The following FHOD3 variants were observed in gnomAD, a reference collection of about 807,000 sequenced individuals.
The protein encoded by FHOD3 is formin homology 2 domain containing 3, also known as FH1/FH2 domain-containing protein 3.
In FHOD3, 90 loss-of-function variants were observed where a neutral mutation model predicts 173.0. The ratio of observed to expected loss-of-function variants is 0.52; its 90% CI spans 0.44 to 0.62. FHOD3 has a LOEUF of 0.62. FHOD3 is among the 20% of genes least tolerant of loss of function. The pLI, the probability that FHOD3 is intolerant of heterozygous loss-of-function variation, is 0.00. For synonymous variants in FHOD3, 828 were observed against 823.0 expected (o/e 1.01, Z -0.10); for missense variants, 1,945 against 2,034.7 (o/e 0.96, Z 0.85).
intron 10 of FHOD3, among the ~76,000 whole-genome samples, chr18:36,640,257 T>C (rs1017372004): frequency 6.6e-6 from 1 of 152,230 alleles, no homozygotes; most frequent in African/African-American, 2.4e-5. Flanking sequence ...TAGATGTCTT[T>C]TCATTCTCTT....
intron 1 of FHOD3, among the ~76,000 whole-genome samples, chr18:36,310,613 G>T (rs1361828459): frequency 6.6e-6 from 1 of 151,688 alleles, no homozygotes; most frequent in Non-Finnish European, 1.5e-5. Context: ...CTTGAACCTG[G>T]GAGGTGGAGG....
At chr18:36,733,120 C>G (rs976292819) in intron 20 of FHOD3, among the ~76,000 whole-genome samples, 1 of 152,190 alleles carries the variant, frequency 6.6e-6, no homozygotes, top group African/African-American at 2.4e-5. Flanking sequence ...AGTAAACAAG[C>G]TGTTTAGATA....
At chr18:36,647,883 T>C (rs1368653653) in intron 10 of FHOD3, among the ~76,000 whole-genome samples, 2 of 151,950 alleles carry the variant, frequency 1.3e-5, no homozygotes, top group Non-Finnish European at 2.9e-5. Context: ...TGATGTGGGG[T>C]GGGAGAGGGA....
chr18:36,709,956 A>T (rs1267491521), intron 18 of FHOD3: 3 of 153,218 alleles, frequency 2.0e-5, no homozygotes, highest in African/African-American at 7.2e-5. Flanking sequence ...GAATATAGAT[A>T]ATTTGTTTTC....
intron 27 of FHOD3, among the ~76,000 whole-genome samples, chr18:36,768,935 C>T (rs1338277338): frequency 6.6e-6 from 1 of 152,038 alleles, no homozygotes; most frequent in East Asian, 1.9e-4. Context: ...GATCACAGGA[C>T]CTGGCAGGTA....
At chr18:36,565,926 T>A (rs2058247313) in intron 5 of FHOD3, among the ~76,000 whole-genome samples, 1 of 152,144 alleles carries the variant, frequency 6.6e-6, no homozygotes, top group South Asian at 2.1e-4. Flanking sequence ...GTGGTAAAAG[T>A]TGTGATATAT....
intron 1 of FHOD3, among the ~76,000 whole-genome samples, chr18:36,298,834 G>A (rs1568088182): frequency 6.6e-6 from 1 of 151,556 alleles, no homozygotes; most frequent in Non-Finnish European, 1.5e-5. Context: ...CAAAGCATTT[G>A]TTGCAAAGAG....
intron 3 of FHOD3, among the ~76,000 whole-genome samples, chr18:36,407,652 A>G (rs562725830): frequency 1.3e-5 from 2 of 152,174 alleles, no homozygotes; most frequent in African/African-American, 4.8e-5. Flanking sequence ...ACATTTTCCT[A>G]TATGTTAGGC....
chr18:36,740,542 GTACA>G lies in FHOD3; in HGVS notation c.3577-110_3577-107del. The G allele has an allele frequency of 7.3e-6, 8 of 1,096,292 alleles. No individual in the cohort carries two copies. In the South Asian group the frequency reaches 1.2e-4, roughly 16 times the overall value. 67.9% of individuals were successfully genotyped at this position (1,096,292 alleles called of 1,614,324 possible). The stretch of plus-strand genomic sequence containing the variant: ...TTTGGTTTATGACAATATAACACCT[GTACA>G]TACCTCTACTACCTGGTTGGAAAAT... On this transcript the variant is annotated intron_variant, in intron 20 of 28. Transcript: ENST00000590592.
intron 5 of FHOD3, among the ~76,000 whole-genome samples, chr18:36,540,312 C>T (rs1374575993): frequency 6.6e-6 from 1 of 152,196 alleles, no homozygotes; most frequent in Non-Finnish European, 1.5e-5. Context: ...TGGAATGACT[C>T]TCAGAACTGT....
In FHOD3 at chr18:36,439,861, G is replaced by C. The variant is rs192673964; in HGVS notation, c.338-62071G>C. ...AGCAGAGAAAGCATTTGCCCTCTTC[G>C]ATTCTTTTGTTCTATGTGGTCCCTC... On this transcript the variant is annotated intron_variant, in intron 3 of 28. Transcript: ENST00000590592. Among the ~76,000 whole-genome samples the C allele has an allele frequency of 3.9e-5, 6 of 152,252 alleles. No homozygotes were observed. In the East Asian group the frequency reaches 1.2e-3, roughly 29 times the overall value.
intron 3 of FHOD3, among the ~76,000 whole-genome samples, chr18:36,412,120 C>G (rs77069855): frequency 2.0e-5 from 3 of 152,070 alleles, no homozygotes; most frequent in Non-Finnish European, 4.4e-5. Flanking sequence ...CAGGAAGGGG[C>G]GGGGCTGGAG....
At chr18:36,676,753 T>A (rs1844463572) in intron 14 of FHOD3, among the ~76,000 whole-genome samples, 1 of 152,224 alleles carries the variant, frequency 6.6e-6, no homozygotes. Flanking sequence ...TTTGCTTGCA[T>A]TCCTTTTCCC....
chr18:36,617,610 T>TGTGTGTGTGTGTGTGC (rs34321745), intron 9 of FHOD3, among the ~76,000 whole-genome samples: 3,679 of 146,060 alleles, frequency 0.025, 97 homozygotes, highest in African/African-American at 0.057. Flanking sequence ...TGTGTGTGTG[T>TGTGTGTGTGTGTGTGC]GTGTGTGTGC....
intron 3 of FHOD3, among the ~76,000 whole-genome samples, chr18:36,440,283 G>C (rs1050362530): frequency 5.3e-5 from 8 of 152,240 alleles, no homozygotes; most frequent in South Asian, 2.1e-4. Context: ...CGGCCCAGCT[G>C]TCATCTTCTG....
At chr18:36,713,616 C>T in intron 18 of FHOD3, among the ~76,000 whole-genome samples, 1 of 152,050 alleles carries the variant, frequency 6.6e-6, no homozygotes, top group South Asian at 2.1e-4. Context: ...TTATAGTTTA[C>T]AATAATGTGT....
chr18:36,507,902 T>A (rs368622311), intron 4 of FHOD3, among the ~76,000 whole-genome samples: 7 of 152,302 alleles, frequency 4.6e-5, no homozygotes, highest in Admixed American at 1.3e-4. Context: ...TCAGCCTGCC[T>A]ATTGTCTCCA....
At chr18:36,637,099 A>G (rs2034946939) in intron 10 of FHOD3, among the ~76,000 whole-genome samples, 1 of 152,170 alleles carries the variant, frequency 6.6e-6, no homozygotes, top group South Asian at 2.1e-4. Flanking sequence ...AAGCCACCAG[A>G]TCTCTAGAAG....
intron 20 of FHOD3, 48 bp downstream of exon 20, chr18:36,730,852 A>C (rs772676550): frequency 6.5e-7 from 1 of 1,528,252 alleles, no homozygotes; most frequent in South Asian, 1.2e-5. Context: ...CTTATACTGC[A>C]TGTATAATAT....
Sources: allele counts gnomAD v4.1 joint callset (sites outside exome capture counted in the v4.1 genomes callset), GRCh38; gene constraint gnomAD v4.1.1; transcripts MANE v1.5; gene names NCBI Gene and HGNC (gene_info 2026-07-23, HGNC 2026-07-21).